The following RIN3 variants were observed in gnomAD, a reference collection of about 807,000 sequenced individuals.
RIN3 encodes RAB5 interacting protein 3.
A neutral mutation model predicts 76.3 loss-of-function variants in RIN3; 54 were observed. The observed-to-expected ratio is 0.71, with a 90% confidence interval of 0.57 to 0.89. RIN3 has a LOEUF of 0.89. RIN3 is among the 40% of genes least tolerant of loss of function. The pLI, the probability that RIN3 is intolerant of heterozygous loss-of-function variation, is 0.00. For missense variants in RIN3, 1,256 were observed against 1,322.1 expected, an observed-to-expected ratio of 0.95 and a Z score of 0.78; for synonymous variants, 576 against 564.0, an observed-to-expected ratio of 1.02 and a Z score of -0.30.
In RIN3 at chr14:92,651,703, C is replaced by T; in HGVS notation, c.654C>T (p.Asn218=). The T allele has an allele frequency of 1.2e-6, 2 of 1,614,144 alleles. No individual in the cohort carries two copies. Among genetic ancestry groups the T allele is most frequent in the Non-Finnish European group, 8.5e-7 (1 of 1,180,010 alleles). ...SSLRPTAHDA[N]CACEIELSVG... ...TCAGGCCCACAGCCCATGACGCAAA[C>T]TGTGCCTGTGAAATCGAGCTGTCGG... Residue 218 remains asparagine, a synonymous_variant, in exon 6 of 10, where the codon AAC becomes AAT. Transcript: ENST00000216487.
At chr14:92,590,297 G>C (rs1355801781) in intron 3 of RIN3, among the ~76,000 whole-genome samples, 1 of 152,210 alleles carries the variant, frequency 6.6e-6, no homozygotes, top group Non-Finnish European at 1.5e-5. Flanking sequence ...GTTTGGATCT[G>C]TCTCTGCTCA....
rs767719946 is a variant in RIN3, at chr14:92,659,357, G to A, written c.2223G>A (p.Lys741=). 1.7e-5 allele frequency: 28 copies of A among 1,612,628 alleles called. No individual in the cohort carries two copies. The highest frequency in any genetic ancestry group is 2.3e-5 in the Non-Finnish European group (27 of 1,179,218). Reference sequence around the variant, plus strand: ...TGCCGGAGGTGCCCATGATGGAGAAGATCCTGCAGAAGTTCACCAGCATGC... The same window carrying A: ...TGCCGGAGGTGCCCATGATGGAGAAAATCCTGCAGAAGTTCACCAGCATGC... ...TSVPEVPMME[K]ILQKFTSMHK... is the part of the protein sequence containing the mutation. The change falls in exon 7 of 10, where the codon AAG becomes AAA. Residue 741 remains lysine (K), a synonymous_variant. Transcript: ENST00000216487.
chr14:92,552,983 C>T (rs1897473419), intron 1 of RIN3, among the ~76,000 whole-genome samples: 2 of 148,122 alleles, frequency 1.4e-5, no homozygotes, highest in South Asian at 4.3e-4. Flanking sequence ...TCCCTCATTA[C>T]TCCCAGAACC....
chr14:92,628,779 A>C (rs1218615334), intron 4 of RIN3, among the ~76,000 whole-genome samples: 3 of 152,148 alleles, frequency 2.0e-5, no homozygotes, highest in Non-Finnish European at 4.4e-5. Context: ...ATCAGGGACC[A>C]CACTCAGAAA....
chr14:92,661,743 AC>A (rs1887889539), intron 7 of RIN3, among the ~76,000 whole-genome samples: 1 of 132,702 alleles, frequency 7.5e-6, no homozygotes, highest in Non-Finnish European at 1.6e-5. Flanking sequence ...ACACACACAC[AC>A]ACACACACAC....
At position 92,652,432 on chromosome 14, in the gene RIN3, C is replaced by A. The variant is rs749517434; in HGVS notation, c.1383C>A (p.Pro461=). 1 of 1,614,072 alleles carries A rather than the reference C, an allele frequency of 6.2e-7. No individual in the cohort carries two copies. The highest frequency in any genetic ancestry group is 1.7e-5 in the Admixed American group (1 of 60,018). Residue 461 remains proline (P), a synonymous_variant, in exon 6 of 10, where the codon CCC becomes CCA. Transcript: ENST00000216487. The surrounding 1 kb of genome is among the most constrained non-coding windows in gnomAD (Gnocchi z 6.4). ...CCAAACAACCCCCAGTCCCGCCCCC[C>A]AGGAAAAAACGGATCTCTCGACAAC... ...RTAKQPPVPP[P]RKKRISRQLA...
Position 92,568,767 on chromosome 14 carries a change from T to C in RIN3, c.250-8593T>C, listed in dbSNP as rs190943434. Among the ~76,000 whole-genome samples, 66 of 152,358 alleles carry C rather than the reference T, an allele frequency of 4.3e-4. 1 individual carries two copies. In the Middle Eastern group the frequency reaches 0.014, roughly 31 times the overall value. ...CAGGCCAGCGCCTTATCATGGTTTT[T>C]AGTCAGAAGACAAGAGCCACATGAG... On this transcript the variant is annotated intron_variant, in intron 2 of 9. Transcript: ENST00000216487. The surrounding 1 kb of genome is among the most constrained non-coding windows in gnomAD (Gnocchi z 4.2).
chr14:92,581,372 C>G (rs1000616515), intron 3 of RIN3, among the ~76,000 whole-genome samples: 1 of 152,192 alleles, frequency 6.6e-6, no homozygotes, highest in Non-Finnish European at 1.5e-5. Context: ...CTACAACTTT[C>G]GGAAACCCAA....
At chr14:92,561,951 A>G (rs1185434380) in intron 2 of RIN3, among the ~76,000 whole-genome samples, 1 of 152,026 alleles carries the variant, frequency 6.6e-6, no homozygotes, top group Non-Finnish European at 1.5e-5. Flanking sequence ...CTCCCATACC[A>G]CTGGGATTAC....
chr14:92,585,413 C>T (rs1481845812), intron 3 of RIN3, among the ~76,000 whole-genome samples: 2 of 152,178 alleles, frequency 1.3e-5, no homozygotes, highest in Non-Finnish European at 2.9e-5. Context: ...TCTAGCATTT[C>T]TCCTTTCCTG....
In RIN3 at chr14:92,555,925, G is replaced by A. The variant is rs1897564191; in HGVS notation, c.219G>A (p.Val73=). 2 of 1,613,206 alleles carry A rather than the reference G, an allele frequency of 1.2e-6. No homozygotes were observed. The highest frequency in any genetic ancestry group is 1.7e-5 in the Admixed American group (1 of 60,004). The change falls in exon 2 of 10, where the codon GTG becomes GTA. Residue 73 remains valine, a synonymous_variant. Transcript: ENST00000216487. ...AGCTGAGTCTGGGCCAGGCAGAGGT[G>A]GCCAGGATCCTGCACCGGGTGGTGG... The part of the protein sequence containing the change: ...WLQLSLGQAE[V]ARILHRVVAG...
chr14:92,652,528 C>T lies in RIN3; in HGVS notation c.1479C>T (p.Pro493=). 1.9e-6 allele frequency: 3 copies of T among 1,613,784 alleles called. No homozygotes were observed. The highest frequency in any genetic ancestry group is 2.5e-6 in the Non-Finnish European group (3 of 1,179,962). The part of the protein sequence containing the change: ...LCTQAMALET[P]TPGPPREGQS... ...CACAGGCGATGGCCTTGGAGACACC[C>T]ACGCCGGGTCCACCCAGAGAGGGCC... The change falls in exon 6 of 10, where the codon CCC becomes CCT. Residue 493 remains proline (P), a synonymous_variant. Coordinates refer to ENST00000216487, the MANE Select transcript of RIN3 (RefSeq NM_024832.5). This position sits in a 1 kb window ranked among gnomAD's most constrained non-coding sequence, Gnocchi z 6.4.
intron 4 of RIN3, among the ~76,000 whole-genome samples, chr14:92,637,890 A>C (rs1159508122): frequency 6.6e-6 from 1 of 152,232 alleles, no homozygotes; most frequent in African/African-American, 2.4e-5. Flanking sequence ...GAAACTTACT[A>C]CTGGCTGGGG....
At chr14:92,579,148 G>A (rs33999038) in intron 3 of RIN3, among the ~76,000 whole-genome samples, 39,129 of 151,700 alleles carry the variant, frequency 0.26, 5,396 homozygotes, top group African/African-American at 0.33. Context: ...GGCTGGTCTC[G>A]AACCCCCCAC....
chr14:92,534,418 A>G (rs1896949187), intron 1 of RIN3, among the ~76,000 whole-genome samples: 1 of 151,794 alleles, frequency 6.6e-6, no homozygotes, highest in South Asian at 2.1e-4. Context: ...CGTCTCTACT[A>G]AAAATACAAA....
chr14:92,604,102 CT>C (rs1885441864), intron 3 of RIN3, among the ~76,000 whole-genome samples: 1 of 152,224 alleles, frequency 6.6e-6, no homozygotes, highest in South Asian at 2.1e-4. Context: ...GGGAAGGCGC[CT>C]GCCCCTTTCA....
chr14:92,624,211 G>A (rs1296129747), intron 4 of RIN3, among the ~76,000 whole-genome samples: 1 of 152,196 alleles, frequency 6.6e-6, no homozygotes, highest in South Asian at 2.1e-4. Flanking sequence ...CTTTGCTTTT[G>A]TCATTAGATG....
At position 92,575,708 on chromosome 14, in the gene RIN3, C is replaced by T. The variant is rs192959423; in HGVS notation, c.250-1652C>T. 1.8e-3 allele frequency among the ~76,000 whole-genome samples: 277 copies of T among 152,116 alleles called. 1 individual carries two copies. Among genetic ancestry groups the T allele is most frequent in the South Asian group, 6.2e-3 (30 of 4,814 alleles). ...ATTAGCACATAATGAGCAGTGAGGA[C>T]GACCAGAGGTCACTTTGGTCACCAT... On this transcript the variant is annotated intron_variant, in intron 2 of 9. Transcript: ENST00000216487.
rs1364684276 is a variant in RIN3, at chr14:92,513,963, G to C, written c.31G>C (p.Gly11Arg). Reference sequence around the variant, plus strand: ...CCGACACGCCGGGGCGCCCGCGCGCGGGGACCCCACGGGGTAAGTCCGGGC... The same window carrying C: ...CCGACACGCCGGGGCGCCCGCGCGCCGGGACCCCACGGGGTAAGTCCGGGC... MIRHAGAPAR[G>R]DPTGPVPVVG... Residue 11 changes from glycine (G) to arginine (R), a missense_variant, in exon 1 of 10, where the codon GGG (glycine) becomes CGG (arginine). Around this residue, in one of 3 missense-constraint regions of RIN3, gnomAD observed 610 missense variants for 626.4 expected, o/e 0.97. Transcript: ENST00000216487. 6 of 1,244,612 alleles carry C rather than the reference G, an allele frequency of 4.8e-6. No homozygotes were observed. Among genetic ancestry groups the C allele is most frequent in the Non-Finnish European group, 5.0e-6 (5 of 994,478 alleles). 77.1% of individuals were successfully genotyped at this position (1,244,612 alleles called of 1,614,324 possible). A position where few individuals can be genotyped will look rare whatever the true frequency, so the allele number is the denominator to read the frequency against.
Sources: allele counts gnomAD v4.1 joint callset (sites outside exome capture counted in the v4.1 genomes callset), GRCh38; gene constraint gnomAD v4.1.1; regional missense constraint gnomAD v4.1.1; non-coding constraint Gnocchi (gnomAD v3.1); transcripts MANE v1.5; gene names NCBI Gene and HGNC (gene_info 2026-07-23, HGNC 2026-07-21).